Variants in ERAP1 observed in about 807,000 individuals in gnomAD.
The protein encoded by ERAP1 is adipocyte-derived leucine aminopeptidase.
In ERAP1, 86 loss-of-function variants were observed where a neutral mutation model predicts 103.7. The observed-to-expected ratio is 0.83, with a 90% CI of 0.70 to 0.99. The LOEUF (loss-of-function observed/expected upper bound fraction) is 0.99. Ranked by LOEUF, ERAP1 falls within the 50% of genes least tolerant of loss-of-function variation. The pLI is 0.00. For synonymous variants in ERAP1, 398 were observed against 402.4 expected (o/e 0.99, Z 0.13); for missense variants, 1,009 against 1,128.4 (o/e 0.89, Z 1.52).
At chr5:96,804,050 C>T in intron 1 of ERAP1, 107 bp from the exon 2 acceptor site, 8 of 1,250,064 alleles carry the variant, frequency 6.4e-6, no homozygotes, top group Non-Finnish European at 9.1e-6. Context: ...TAGGCATAAA[C>T]TTCCAAAAGT....
At chr5:96,781,299 G>T in intron 16 of ERAP1, 101 bp from the exon 17 acceptor site, 2 of 1,234,676 alleles carry the variant, frequency 1.6e-6, no homozygotes, top group Non-Finnish European at 2.3e-6. Context: ...AAGTCTGCCA[G>T]TAACAAAGGT....
the ERAP1 span, among the ~76,000 whole-genome samples, chr5:96,839,297 G>C: frequency 1.3e-5 from 2 of 152,174 alleles, no homozygotes; most frequent in Admixed American, 6.5e-5. Flanking sequence ...CCAGTCTCCA[G>C]CTCCCCTCCC....
chr5:96,917,394 T>C, the ERAP1 span: 1 of 1,463,934 alleles, frequency 6.8e-7, no homozygotes, highest in Non-Finnish European at 9.3e-7. Flanking sequence ...GTGCTGGGAT[T>C]ACAGGTGTGA....
At chr5:96,842,252 G>A in the ERAP1 span, among the ~76,000 whole-genome samples, 1 of 152,270 alleles carries the variant, frequency 6.6e-6, no homozygotes, top group East Asian at 1.9e-4. Flanking sequence ...ATAAACGTGT[G>A]TGCAAGTGTC....
the ERAP1 span, among the ~76,000 whole-genome samples, chr5:96,820,949 AAAGAAG>A: frequency 1.2e-5 from 1 of 83,540 alleles, no homozygotes; most frequent in African/African-American, 3.9e-5. Context: ...CTTACAGGAG[AAAGAAG>A]AAGAGGAAGA....
the ERAP1 span, among the ~76,000 whole-genome samples, chr5:96,906,769 C>A: frequency 6.6e-6 from 1 of 152,210 alleles, no homozygotes; most frequent in Non-Finnish European, 1.5e-5. Flanking sequence ...CAGTGGCTCA[C>A]GCCTGTAATC....
At chr5:96,863,200 A>G in the ERAP1 span, among the ~76,000 whole-genome samples, 1 of 151,428 alleles carries the variant, frequency 6.6e-6, no homozygotes, top group Non-Finnish European at 1.5e-5. Flanking sequence ...TCTCCATTCT[A>G]AGTACCCAAG....
chr5:96,924,273 C>G, the ERAP1 span, among the ~76,000 whole-genome samples: 1 of 152,200 alleles, frequency 6.6e-6, no homozygotes, highest in Admixed American at 6.5e-5. Context: ...GCCCTGCACA[C>G]CAGGGGCCCT....
chr5:96,878,990 AAC>A, the ERAP1 span, among the ~76,000 whole-genome samples: 1 of 152,094 alleles, frequency 6.6e-6, no homozygotes, highest in Non-Finnish European at 1.5e-5. Flanking sequence ...TTGTAATCCC[AAC>A]AGTTTGGGAG....
chr5:96,869,245 C>T, the ERAP1 span, among the ~76,000 whole-genome samples: 1 of 152,044 alleles, frequency 6.6e-6, no homozygotes, highest in African/African-American at 2.4e-5. Flanking sequence ...AGGTGGTAAA[C>T]TGTACATCAT....
chr5:96,771,602 A>G (rs1443188457), downstream of ERAP1: 5 of 1,564,598 alleles, frequency 3.2e-6, no homozygotes, highest in East Asian at 1.1e-4. Flanking sequence ...CATACTTAAT[A>G]CAGAAAAGAA....
In ERAP1 at chr5:96,781,070, T is replaced by G. The variant is rs780732764; in HGVS notation, c.2576A>C (p.Lys859Thr). ...AWQFLRKNWN[K>T]LVQKFELGSS... The stretch of plus-strand genomic sequence containing the variant: ...TGGCACCACTTACTTTTGTACAAGT[T>G]TGTTCCAGTTTTTCCTCAGAAATTG... The change falls in exon 17 of 19, where the codon AAA (lysine) becomes ACA (threonine). Residue 859 changes from lysine (K) to threonine (T), a missense_variant. Lys to Thr is a moderately conservative substitution (Grantham distance 78, BLOSUM62 -1). This residue lies in a region of ERAP1 where 611 missense variants were observed against 651.7 expected (regional missense o/e 0.94). Transcript: ENST00000443439. The G allele has an allele frequency of 1.9e-6, 3 of 1,613,944 alleles. No individual in the cohort carries two copies. The highest frequency in any genetic ancestry group is 1.7e-5 in the Admixed American group (1 of 59,980).
the ERAP1 span, chr5:96,873,500 G>A: frequency 1.0e-4 from 46 of 455,148 alleles, no homozygotes; most frequent in Non-Finnish European, 1.9e-4. Context: ...GTGGCTTCTT[G>A]GGGCTGGCAT....
At chr5:96,909,149 A>T in the ERAP1 span, 4 of 1,589,858 alleles carry the variant, frequency 2.5e-6, no homozygotes, top group East Asian at 2.2e-5. Flanking sequence ...TGTATTAAGT[A>T]AATACACAGT....
In ERAP1 at chr5:96,775,318, A is replaced by C. The variant is rs1774004183; in HGVS notation, c.*1078T>G. Reference sequence around the variant, plus strand: ...ATGTCCTATTTGCTAATATGAGCAAATATTTTGTTTCACAATGTACTATCA... The same window carrying C: ...ATGTCCTATTTGCTAATATGAGCAACTATTTTGTTTCACAATGTACTATCA... On this transcript the variant is annotated 3_prime_UTR_variant, in exon 19 of 19. Transcript: ENST00000443439. 3 of 985,386 alleles carry C rather than the reference A, an allele frequency of 3.0e-6. No individual in the cohort carries two copies. Among genetic ancestry groups the C allele is most frequent in the Admixed American group, 6.1e-5 (1 of 16,272 alleles). The allele number at this position is 985,386 out of a possible 1,614,324, so 61.0% of individuals were successfully genotyped here.
the ERAP1 span, among the ~76,000 whole-genome samples, chr5:96,861,874 A>G: frequency 1.3e-5 from 2 of 152,210 alleles, no homozygotes; most frequent in African/African-American, 4.8e-5. Flanking sequence ...GCATTTACCC[A>G]ACAGTAATTT....
At chr5:96,878,621 T>C in the ERAP1 span, among the ~76,000 whole-genome samples, 1,380 of 151,610 alleles carry the variant, frequency 9.1e-3, 24 homozygotes, top group African/African-American at 0.031. Context: ...TGGTGACACA[T>C]TGTCTTTCAA....
chr5:96,818,848 T>A, the ERAP1 span, among the ~76,000 whole-genome samples: 2 of 152,128 alleles, frequency 1.3e-5, no homozygotes, highest in Admixed American at 6.5e-5. Context: ...TGCTTTCCCA[T>A]ACATTGAGGT....
chr5:96,796,326 A>C (rs1044214967), intron 4 of ERAP1, among the ~76,000 whole-genome samples: 1 of 152,236 alleles, frequency 6.6e-6, no homozygotes, highest in African/African-American at 2.4e-5. Flanking sequence ...GTTGCCCACT[A>C]TGCAACAGTA....
Sources: allele counts gnomAD v4.1 joint callset (sites outside exome capture counted in the v4.1 genomes callset), GRCh38; gene constraint gnomAD v4.1.1; regional missense constraint gnomAD v4.1.1; transcripts MANE v1.5; gene names NCBI Gene and HGNC (gene_info 2026-07-23, HGNC 2026-07-21).